The following ETV6 variants were observed in gnomAD, a reference collection of about 807,000 sequenced individuals.
ETV6 encodes the protein ETS variant transcription factor 6, also known as transcription factor ETV6.
Under a neutral mutation model 51.1 loss-of-function variants are expected in ETV6, and 16 were observed. The ratio of observed to expected loss-of-function variants is 0.31; its 90% CI spans 0.21 to 0.48. The LOEUF is 0.48. Among genes scored for constraint, ETV6 ranks in the 20% least tolerant of loss-of-function variants. The pLI is 0.99. For synonymous variants in ETV6, 240 were observed against 224.1 expected (o/e 1.07, Z -0.64); for missense variants, 458 against 594.8 (o/e 0.77, Z 2.39).
At chr12:11,751,686 A>T (rs1032422731) in intron 1 of ETV6, among the ~76,000 whole-genome samples, 2 of 152,222 alleles carry the variant, frequency 1.3e-5, no homozygotes, top group East Asian at 1.9e-4. Context: ...CCACCCTTTG[A>T]TACTTGATAA....
chr12:11,751,001 C>T (rs1359803909), intron 1 of ETV6, among the ~76,000 whole-genome samples: 1 of 152,046 alleles, frequency 6.6e-6, no homozygotes, highest in East Asian at 1.9e-4. Context: ...ATGTGCCTGC[C>T]CTTCATTAAG....
At chr12:11,723,583 G>A (rs535586346) in intron 1 of ETV6, among the ~76,000 whole-genome samples, 6 of 152,166 alleles carry the variant, frequency 3.9e-5, no homozygotes, top group East Asian at 3.9e-4. Flanking sequence ...TTATTCCAGC[G>A]TGGTACCCGG....
intron 1 of ETV6, among the ~76,000 whole-genome samples, chr12:11,686,673 A>G (rs536998062): frequency 6.6e-6 from 1 of 151,920 alleles, no homozygotes; most frequent in East Asian, 1.9e-4. Flanking sequence ...GACTACAGGC[A>G]TGTGCCGCCA....
intron 4 of ETV6, among the ~76,000 whole-genome samples, chr12:11,866,935 C>T (rs1469940682): frequency 6.6e-6 from 1 of 152,220 alleles, no homozygotes; most frequent in African/African-American, 2.4e-5. Flanking sequence ...CTGGCAGCTA[C>T]CTACTCTATC....
At chr12:11,857,245 C>T (rs578134291) in intron 4 of ETV6, among the ~76,000 whole-genome samples, 41 of 152,352 alleles carry the variant, frequency 2.7e-4, no homozygotes, top group Non-Finnish European at 4.6e-4. Flanking sequence ...GACTTTCTTA[C>T]ATTGAAACTT....
chr12:11,720,978 C>T (rs750020714), intron 1 of ETV6, among the ~76,000 whole-genome samples: 2 of 152,100 alleles, frequency 1.3e-5, no homozygotes, highest in Non-Finnish European at 2.9e-5. Context: ...TGCTTATTAT[C>T]ACTAATCATC....
At chr12:11,880,028 TG>T (rs1276870994) in intron 5 of ETV6, among the ~76,000 whole-genome samples, 2 of 131,176 alleles carry the variant, frequency 1.5e-5, no homozygotes, top group Admixed American at 1.6e-4. Context: ...GAATGTCAAT[TG>T]TTTAAAAAAA....
intron 1 of ETV6, among the ~76,000 whole-genome samples, chr12:11,678,954 T>G (rs1191977124): frequency 6.6e-6 from 1 of 152,160 alleles, no homozygotes; most frequent in Admixed American, 6.5e-5. Context: ...CCACCCACAT[T>G]GGGGAGGGAG....
chr12:11,670,241 G>C (rs1332223248), intron 1 of ETV6, among the ~76,000 whole-genome samples: 11 of 152,170 alleles, frequency 7.2e-5, no homozygotes, highest in African/African-American at 2.7e-4. Context: ...ATTTTGGGCA[G>C]CTTTTGATTA....
intron 1 of ETV6, among the ~76,000 whole-genome samples, chr12:11,668,546 G>A (rs1864241582): frequency 6.6e-6 from 1 of 152,134 alleles, no homozygotes. Context: ...TGGTAAAGGT[G>A]GCACCCAGTT....
At chr12:11,759,356 G>T (rs1368192820) in intron 2 of ETV6, among the ~76,000 whole-genome samples, 1 of 152,044 alleles carries the variant, frequency 6.6e-6, no homozygotes, top group South Asian at 2.1e-4. Context: ...TAGTGTCACG[G>T]GCTCTCCCTT....
intron 2 of ETV6, among the ~76,000 whole-genome samples, chr12:11,784,024 C>T (rs1234115044): frequency 6.6e-6 from 1 of 150,986 alleles, no homozygotes; most frequent in Non-Finnish European, 1.5e-5. Flanking sequence ...TGTGTGGTTT[C>T]CCCCTGTGCT....
At chr12:11,682,561 T>G (rs1010364246) in intron 1 of ETV6, among the ~76,000 whole-genome samples, 3 of 152,192 alleles carry the variant, frequency 2.0e-5, no homozygotes, top group South Asian at 2.1e-4. Flanking sequence ...AGAAGCTCTT[T>G]AGTTTAATTA....
rs748775264 is a variant in ETV6, at chr12:11,800,619, T to G, written c.164-38521T>G. 7.5e-4 allele frequency among the ~76,000 whole-genome samples: 114 copies of G among 152,114 alleles called. 1 individual carries two copies. Among genetic ancestry groups the G allele is most frequent in the Non-Finnish European group, 1.5e-3 (102 of 68,016 alleles). On this transcript the variant is annotated intron_variant, in intron 2 of 7. Transcript: ENST00000396373. The stretch of plus-strand genomic sequence containing the variant: ...TTTTAGATTCCACATGTAAGCGAGA[T>G]CGTGTAATATATATCTTTTCATTAC...
chr12:11,733,610 C>G (rs939935085), intron 1 of ETV6, among the ~76,000 whole-genome samples: 5 of 152,042 alleles, frequency 3.3e-5, no homozygotes, highest in African/African-American at 4.8e-5. Flanking sequence ...ACAACAGGTT[C>G]TCATTCTGAC....
chr12:11,650,377 G>T (rs1478518410), intron 1 of ETV6, among the ~76,000 whole-genome samples: 2 of 56,076 alleles, frequency 3.6e-5, no homozygotes, highest in Non-Finnish European at 4.6e-5. Context: ...CCGGCTCCTC[G>T]GCCCCCACCC....
chr12:11,725,134 T>C (rs1007140796), intron 1 of ETV6, among the ~76,000 whole-genome samples: 3 of 150,298 alleles, frequency 2.0e-5, no homozygotes, highest in Admixed American at 2.0e-4. Flanking sequence ...TGCAGGGAGC[T>C]CTTAAGACTT....
chr12:11,723,214 TC>T (rs1865424607), intron 1 of ETV6, among the ~76,000 whole-genome samples: 1 of 152,212 alleles, frequency 6.6e-6, no homozygotes, highest in Non-Finnish European at 1.5e-5. Context: ...CTTAGAACAT[TC>T]CCTGCTCTAT....
chr12:11,777,188 C>T (rs913180567), intron 2 of ETV6, among the ~76,000 whole-genome samples: 1 of 134,868 alleles, frequency 7.4e-6, no homozygotes, highest in East Asian at 2.2e-4. Context: ...TGCAGTGAGC[C>T]GAGATAGCGC....
Sources: gnomAD v4.1 joint callset for allele counts (sites outside exome capture counted in the v4.1 genomes callset) on GRCh38, gnomAD v4.1.1 for gene constraint, MANE v1.5 for transcripts, NCBI Gene and HGNC (gene_info 2026-07-23, HGNC 2026-07-21) for gene names.